CREBBP: variants seen among roughly 807,000 people sequenced by gnomAD.
The protein encoded by CREBBP is CREB binding lysine acetyltransferase.
CREBBP carries 19 observed loss-of-function variants against 265.0 expected under a neutral mutation model. The ratio of observed to expected loss-of-function variants is 0.07; its 90% confidence interval spans 0.05 to 0.11. The LOEUF is 0.11. Among genes scored for constraint, CREBBP ranks in the 10% least tolerant of loss-of-function variants. CREBBP has a pLI of 1.00. For synonymous variants in CREBBP, 1,457 were observed against 1,223.7 expected, an observed-to-expected ratio of 1.19 and a Z score of -3.98; for missense variants, 2,525 against 3,219.0, an observed-to-expected ratio of 0.78 and a Z score of 5.22.
Position 3,850,526 on chromosome 16 carries a change from T to C in CREBBP, c.569A>G (p.Asn190Ser), listed in dbSNP as rs779356613. 1.1e-5 allele frequency: 17 copies of C among 1,614,122 alleles called. No individual in the cohort carries two copies. The highest frequency in any genetic ancestry group is 8.8e-5 in the South Asian group (8 of 91,094). Residue 190 changes from asparagine to serine, a missense_variant, in exon 2 of 31, where the codon AAT (asparagine) becomes AGT (serine). Transcript: ENST00000262367. ...NFNQTHPGLL[N>S]SNSGHSLINQ... Reference sequence around the variant, plus strand: ...AATTAAGCTATGGCCAGAGTTACTATTGAGGAGGCCTGGGTGGGTCTGGTT... The same window carrying C: ...AATTAAGCTATGGCCAGAGTTACTACTGAGGAGGCCTGGGTGGGTCTGGTT...
intron 1 of CREBBP, among the ~76,000 whole-genome samples, chr16:3,869,847 G>C (rs1423900384): frequency 6.6e-6 from 1 of 152,100 alleles, no homozygotes; most frequent in Non-Finnish European, 1.5e-5. Flanking sequence ...TAAAGTTTCA[G>C]TGACTGAGAA....
At chr16:3,767,064 G>A (rs1334021236) in intron 16 of CREBBP, among the ~76,000 whole-genome samples, 1 of 152,016 alleles carries the variant, frequency 6.6e-6, no homozygotes, top group Non-Finnish European at 1.5e-5. Flanking sequence ...CATTTCTAAG[G>A]TTCACTTGAC....
At chr16:3,830,585 G>A (rs1415699603) in intron 2 of CREBBP, among the ~76,000 whole-genome samples, 2 of 152,054 alleles carry the variant, frequency 1.3e-5, no homozygotes, top group Non-Finnish European at 2.9e-5. Flanking sequence ...TAATAAAACA[G>A]TTTCAAAACA....
chr16:3,843,685 G>A (rs2054608554), intron 2 of CREBBP, among the ~76,000 whole-genome samples: 1 of 151,886 alleles, frequency 6.6e-6, no homozygotes, highest in Non-Finnish European at 1.5e-5. Context: ...CTCCTAAAGT[G>A]TTGGAATTAC....
intron 3 of CREBBP, among the ~76,000 whole-genome samples, chr16:3,798,966 C>T (rs567007504): frequency 4.6e-5 from 7 of 152,154 alleles, no homozygotes; most frequent in Admixed American, 6.5e-5. Context: ...AAACAAAACA[C>T]GGTGTATAAC....
intron 2 of CREBBP, among the ~76,000 whole-genome samples, chr16:3,833,258 C>T (rs1233210154): frequency 6.6e-6 from 1 of 152,130 alleles, no homozygotes; most frequent in Non-Finnish European, 1.5e-5. Context: ...ACTAAAAATA[C>T]AAAATTAGCT....
intron 20 of CREBBP, 90 bp from the exon 21 acceptor site, chr16:3,749,773 T>C: frequency 1.2e-6 from 1 of 816,340 alleles, no homozygotes; most frequent in Non-Finnish European, 2.0e-6. Context: ...ATTTTGTAAC[T>C]AGTTCTTCAA....
chr16:3,793,507 A>G lies in CREBBP; in HGVS notation c.1095T>C (p.His365=), dbSNP rs565069106. The change falls in exon 4 of 31, where the codon CAT becomes CAC. Residue 365 remains histidine (H), a synonymous_variant. Transcript: ENST00000262367. ...TTGCTTGCTCTCGTCTCTGACACTT[A>G]TGAGCATGAAGCAGTAGAACCAGCT... ...QQQLVLLLHA[H]KCQRREQANG... is the part of the protein sequence containing the mutation. The G allele has an allele frequency of 1.9e-4, 312 of 1,614,200 alleles. 3 individuals carry two copies. In the South Asian group the frequency reaches 3.2e-3, roughly 17 times the overall value.
Position 3,782,677 on chromosome 16 carries a change from C to T in CREBBP, c.1573+7G>A. On this transcript the variant is annotated splice_region_variant and intron_variant, in intron 6 of 30. Coordinates refer to ENST00000262367, the MANE Select transcript of CREBBP (RefSeq NM_004380.3). ...GTAAGAACGAAGTTGAGAGTTCCTT[C>T]ACCTACCCAGGGGGTTGAGAGTCCT... 1 of 1,613,888 alleles carries T rather than the reference C, an allele frequency of 6.2e-7. No homozygotes were observed. Among genetic ancestry groups the T allele is most frequent in the African/African-American group, 1.3e-5 (1 of 75,030 alleles).
intron 23 of CREBBP, chr16:3,741,468 T>C (rs1049342105): frequency 1.9e-4 from 29 of 152,342 alleles, no homozygotes; most frequent in African/African-American, 5.8e-4. Context: ...AAACCAGTGG[T>C]GCTGATTTTT....
At chr16:3,849,017 G>A (rs1469777895) in intron 2 of CREBBP, among the ~76,000 whole-genome samples, 3 of 152,126 alleles carry the variant, frequency 2.0e-5, no homozygotes, top group African/African-American at 7.2e-5. Flanking sequence ...AACCTTCTGG[G>A]GAAACTGTGT....
intron 1 of CREBBP, among the ~76,000 whole-genome samples, chr16:3,877,372 T>A (rs1316215461): frequency 1.3e-5 from 2 of 152,224 alleles, no homozygotes; most frequent in African/African-American, 4.8e-5. Context: ...CATTACTCAA[T>A]TTCTTAGTGG....
chr16:3,844,167 A>G (rs1459733159), intron 2 of CREBBP, among the ~76,000 whole-genome samples: 1 of 150,794 alleles, frequency 6.6e-6, no homozygotes, highest in East Asian at 1.9e-4. Flanking sequence ...AAAAAAAAAA[A>G]AAAAAAGACT....
At chr16:3,849,474 T>C (rs2054776456) in intron 2 of CREBBP, among the ~76,000 whole-genome samples, 5 of 124,084 alleles carry the variant, frequency 4.0e-5, no homozygotes, top group South Asian at 5.5e-4. Flanking sequence ...TGTGTGTGTG[T>C]GTGTGTGTGT....
Position 3,740,504 on chromosome 16 carries a change from T to C in CREBBP, c.4028A>G (p.Asn1343Ser), listed in dbSNP as rs2151340898. The change falls in exon 24 of 31, where the codon AAC (asparagine) becomes AGC (serine). Residue 1343 changes from asparagine (N) to serine (S), a missense_variant. Asn to Ser is a conservative substitution (Grantham distance 46). Transcript: ENST00000262367. ...GTGATTCTGGCGCCGCAAAAATTTG[T>C]TCACTCGGTCTTCCAAGTGGTTTCC... ...RLGNHLEDRV[N>S]KFLRRQNHPE... The C allele has an allele frequency of 6.2e-7, 1 of 1,614,210 alleles. No individual in the cohort carries two copies. Among genetic ancestry groups the C allele is most frequent in the Non-Finnish European group, 8.5e-7 (1 of 1,180,028 alleles).
intron 19 of CREBBP, among the ~76,000 whole-genome samples, chr16:3,754,162 C>T (rs1282849668): frequency 1.3e-5 from 2 of 152,156 alleles, no homozygotes; most frequent in Admixed American, 6.6e-5. Flanking sequence ...TGCCTCAAAA[C>T]TGCTGGAGAA....
chr16:3,786,131 G>A (rs2053382033), intron 5 of CREBBP, among the ~76,000 whole-genome samples: 1 of 152,228 alleles, frequency 6.6e-6, no homozygotes, highest in Non-Finnish European at 1.5e-5. Flanking sequence ...GGGAGGCCGA[G>A]GCAGGTGGAT....
chr16:3,770,557 C>T lies in CREBBP; in HGVS notation c.2880+13G>A, dbSNP rs2141198193. On this transcript the variant is annotated intron_variant, in intron 14 of 30. Transcript: ENST00000262367. ...AGTCTTGGCCCAAAAACAGCAGAGACAGAGAGGCTTACCGGTGTGCCAGGA... is the reference window on the plus strand; with the variant it reads ...AGTCTTGGCCCAAAAACAGCAGAGATAGAGAGGCTTACCGGTGTGCCAGGA... 6.2e-7 allele frequency: 1 copy of T among 1,611,944 alleles called. No homozygotes were observed. The highest frequency in any genetic ancestry group is 1.3e-5 in the African/African-American group (1 of 74,988).
In CREBBP at chr16:3,729,183, G is replaced by A. The variant is rs2151307671; in HGVS notation, c.5864C>T (p.Ala1955Val). ...PPPPAQPPPA[A>V]VEAARQIERE... is the part of the protein sequence containing the mutation. ...CTCGATCTGCCGAGCCGCTTCCACC[G>A]CTGCAGGAGGGGGCTGGGCCGGGGG... Residue 1955 changes from alanine (A) to valine (V), a missense_variant, in exon 31 of 31, where the codon GCG becomes GTG. Physicochemically the swap from Ala to Val is moderately conservative, Grantham distance 64 (BLOSUM62 0). Transcript: ENST00000262367. 6.6e-7 allele frequency: 1 copy of A among 1,523,966 alleles called. No individual in the cohort carries two copies. The highest frequency in any genetic ancestry group is 8.8e-7 in the Non-Finnish European group (1 of 1,139,052). The allele number at this position is 1,523,966 out of a possible 1,614,324, so 94.4% of individuals were successfully genotyped here.
Sources: gnomAD v4.1 joint callset for allele counts (sites outside exome capture counted in the v4.1 genomes callset) on GRCh38, gnomAD v4.1.1 for gene constraint, MANE v1.5 for transcripts, NCBI Gene and HGNC (gene_info 2026-07-23, HGNC 2026-07-21) for gene names.